The following TBC1D13 variants were observed in gnomAD, a reference collection of about 807,000 sequenced individuals.
TBC1D13 encodes the protein epididymis secretory sperm binding protein.
In TBC1D13, 40 loss-of-function variants were observed where a neutral mutation model predicts 53.6. That is an observed-to-expected ratio of 0.75 (90% CI 0.58 to 0.97). TBC1D13 has a LOEUF of 0.97. TBC1D13 is among the 50% of genes least tolerant of loss of function. The pLI is 0.00. For synonymous variants in TBC1D13, 182 were observed against 197.7 expected (o/e 0.92, Z 0.67); for missense variants, 377 against 499.4 (o/e 0.75, Z 2.34).
In TBC1D13 at chr9:128,807,887, G is replaced by C. The variant is rs1829866618; in HGVS notation, c.*8G>C. ...CTCCAAGACTCAAAGTAGCCCGGCGGCAAGAGGCCCATGTTCCGGAGAGAA... is the reference window on the plus strand; with the variant it reads ...CTCCAAGACTCAAAGTAGCCCGGCGCCAAGAGGCCCATGTTCCGGAGAGAA... On this transcript the variant is annotated 3_prime_UTR_variant, in exon 12 of 12. Coordinates refer to ENST00000372648, the MANE Select transcript of TBC1D13 (RefSeq NM_018201.5). 1 of 1,613,924 alleles carries C rather than the reference G, an allele frequency of 6.2e-7. No homozygotes were observed. The highest frequency in any genetic ancestry group is 8.5e-7 in the Non-Finnish European group (1 of 1,179,904).
In TBC1D13 at chr9:128,787,280, G is replaced by A; in HGVS notation, c.-74G>A. On this transcript the variant is annotated 5_prime_UTR_variant, in exon 1 of 12. Coordinates refer to ENST00000372648, the MANE Select transcript of TBC1D13 (RefSeq NM_018201.5). ...GCAGAGCCCCGCGTCCCTGGGGGGC[G>A]GCGGCGGCGGCGGCAGCGCAGGCGG... The A allele has an allele frequency of 1.6e-6, 2 of 1,244,224 alleles. No homozygotes were observed. Among genetic ancestry groups the A allele is most frequent in the Non-Finnish European group, 1.0e-6 (1 of 984,880 alleles). The allele number at this position is 1,244,224 out of a possible 1,614,324, so 77.1% of individuals were successfully genotyped here. A position where few individuals can be genotyped will look rare whatever the true frequency, so the allele number is the denominator to read the frequency against.
chr9:128,790,590 C>A, intron 2 of TBC1D13, 145 bp from the exon 3 acceptor site: 1 of 718,616 alleles, frequency 1.4e-6, no homozygotes. Context: ...AAGAAACCAT[C>A]CAATCTAGTC....
chr9:128,787,464 C>T, intron 1 of TBC1D13, 88 bp downstream of exon 1: 1 of 1,218,584 alleles, frequency 8.2e-7, no homozygotes, highest in Non-Finnish European at 1.0e-6. Flanking sequence ...GCGGGTGTGG[C>T]CAGGAATCGG....
intron 6 of TBC1D13, among the ~76,000 whole-genome samples, chr9:128,794,687 C>G (rs1829597007): frequency 6.6e-6 from 1 of 151,352 alleles, no homozygotes; most frequent in Non-Finnish European, 1.5e-5. Context: ...GTTGGCCAGG[C>G]TGGTCACGAA....
chr9:128,789,347 T>G (rs1027287052), intron 2 of TBC1D13, among the ~76,000 whole-genome samples: 2 of 150,534 alleles, frequency 1.3e-5, no homozygotes, highest in Non-Finnish European at 3.0e-5. Context: ...GAACTTCTTA[T>G]ATTGTCCCTG....
intron 5 of TBC1D13, 55 bp from the exon 6 acceptor site, chr9:128,792,437 C>T (rs781382551): frequency 9.3e-5 from 142 of 1,526,934 alleles, no homozygotes; most frequent in Middle Eastern, 1.7e-4. Flanking sequence ...GGGATAGAAT[C>T]GGGCCCCGGG....
Position 128,797,175 on chromosome 9 carries a change from AT to A in TBC1D13, c.505del (p.Ser169LeufsTer14). The A allele has an allele frequency of 6.2e-7, 1 of 1,614,034 alleles. No individual in the cohort carries two copies. The highest frequency in any genetic ancestry group is 8.5e-7 in the Non-Finnish European group (1 of 1,179,990). On this transcript the variant is annotated frameshift_variant, in exon 7 of 12. Coordinates refer to ENST00000372648, the MANE Select transcript of TBC1D13 (RefSeq NM_018201.5). LOFTEE classifies it high-confidence loss of function. ...RKRVEQTTLK[S>X]QTVARNRSGV... is the part of the protein sequence containing the mutation. ...AGAGAGTGGAACAGACAACACTGAA[AT>A]CTCAGACGGTGGCCCGGAACCGGAG...
At chr9:128,805,704 G>T (rs572092462) in intron 9 of TBC1D13, among the ~76,000 whole-genome samples, 155 bp from the exon 10 acceptor site, 1 of 152,286 alleles carries the variant, frequency 6.6e-6, no homozygotes, top group Admixed American at 6.5e-5. Context: ...CCTTTACCAG[G>T]CAAGGCTGTC....
chr9:128,790,652 C>T (rs1165587625), intron 2 of TBC1D13, 83 bp from the exon 3 acceptor site: 13 of 1,335,394 alleles, frequency 9.7e-6, no homozygotes, highest in Non-Finnish European at 1.0e-5. Context: ...CCACTCTACT[C>T]CCCGCCAGTT....
intron 7 of TBC1D13, among the ~76,000 whole-genome samples, chr9:128,800,367 C>T (rs1292546643): frequency 2.8e-5 from 3 of 106,720 alleles, no homozygotes; most frequent in African/African-American, 4.2e-5. Flanking sequence ...TATCTTCCAA[C>T]TTTTTTTTTT....
intron 7 of TBC1D13, among the ~76,000 whole-genome samples, chr9:128,800,115 T>C (rs147000439): frequency 6.6e-6 from 1 of 152,348 alleles, no homozygotes; most frequent in Non-Finnish European, 1.5e-5. Context: ...TATGTATGTG[T>C]ATGTTAGGGG....
chr9:128,806,179 T>G (rs1303563670), intron 10 of TBC1D13, 75 bp from the exon 11 acceptor site: 16 of 1,607,708 alleles, frequency 1.0e-5, no homozygotes, highest in Middle Eastern at 3.3e-4. Flanking sequence ...TTGAGGTGGG[T>G]AGGGAGGGAG....
In TBC1D13 at chr9:128,810,186, C is replaced by T. The variant is rs1479861420; in HGVS notation, c.*2307C>T. On this transcript the variant is annotated 3_prime_UTR_variant, in exon 12 of 12. Coordinates refer to ENST00000372648, the MANE Select transcript of TBC1D13 (RefSeq NM_018201.5). Reference sequence around the variant, plus strand: ...CAGAAAGGACCTGCCCTGATAATGTCCCTTCCCCAGATTCTCAAGCAGATG... The same window carrying T: ...CAGAAAGGACCTGCCCTGATAATGTTCCTTCCCCAGATTCTCAAGCAGATG... 1 of 152,196 alleles carries T rather than the reference C, an allele frequency of 6.6e-6. No individual in the cohort carries two copies. Among genetic ancestry groups the T allele is most frequent in the East Asian group, 1.9e-4 (1 of 5,192 alleles). The allele number at this position is 152,196 out of a possible 1,614,324, so 9.4% of individuals were successfully genotyped here. A position where few individuals can be genotyped will look rare whatever the true frequency, so the allele number is the denominator to read the frequency against.
intron 6 of TBC1D13, among the ~76,000 whole-genome samples, chr9:128,793,555 A>G (rs1466460294): frequency 3.3e-5 from 5 of 151,992 alleles, no homozygotes; most frequent in African/African-American, 1.2e-4. Flanking sequence ...TCTGATCATT[A>G]CTCTATTGTG....
At chr9:128,796,425 T>A (rs1253611378) in intron 6 of TBC1D13, among the ~76,000 whole-genome samples, 1 of 152,016 alleles carries the variant, frequency 6.6e-6, no homozygotes, top group East Asian at 1.9e-4. Context: ...AATTTTGTAT[T>A]TTTTTAGTAG....
At chr9:128,805,512 C>T (rs1216627704) in intron 9 of TBC1D13, among the ~76,000 whole-genome samples, 2 of 152,186 alleles carry the variant, frequency 1.3e-5, no homozygotes, top group Admixed American at 6.5e-5. Flanking sequence ...TTAGTAAGTG[C>T]CCTGTGATGG....
At chr9:128,787,535 C>T (rs532110634) in intron 1 of TBC1D13, among the ~76,000 whole-genome samples, 159 bp downstream of exon 1, 1 of 152,216 alleles carries the variant, frequency 6.6e-6, no homozygotes, top group South Asian at 2.1e-4. Context: ...CTGTGGGCTG[C>T]AGGAACGACG....
At chr9:128,787,645 C>G (rs1829451978) in intron 1 of TBC1D13, among the ~76,000 whole-genome samples, 1 of 147,556 alleles carries the variant, frequency 6.8e-6, no homozygotes, top group African/African-American at 2.5e-5. Context: ...CATCCAGACC[C>G]CCATGCCCCG....
intron 7 of TBC1D13, among the ~76,000 whole-genome samples, chr9:128,799,709 A>T (rs907566999): frequency 6.6e-6 from 1 of 152,236 alleles, no homozygotes; most frequent in South Asian, 2.1e-4. Context: ...ATACCTGTAC[A>T]GCATTGTCTG....
Sources: gnomAD v4.1 joint callset for allele counts (sites outside exome capture counted in the v4.1 genomes callset) on GRCh38, gnomAD v4.1.1 for gene constraint, MANE v1.5 for transcripts, NCBI Gene and HGNC (gene_info 2026-07-23, HGNC 2026-07-21) for gene names.